The following EVI5 variants were observed in gnomAD, a reference collection of about 807,000 sequenced individuals.
EVI5 encodes ecotropic viral integration site 5.
In EVI5, 73 loss-of-function variants were observed where a neutral mutation model predicts 112.0. That is an observed-to-expected ratio of 0.65 (90% CI 0.54 to 0.79). The LOEUF (loss-of-function observed/expected upper bound fraction) is 0.79. EVI5 is among the 30% of genes least tolerant of loss of function. The pLI is 0.00. For synonymous variants in EVI5, 305 were observed against 319.9 expected (o/e 0.95, Z 0.50); for missense variants, 900 against 968.8 (o/e 0.93, Z 0.94).
chr1:92,552,387 C>T (rs1370988969), intron 19 of EVI5, among the ~76,000 whole-genome samples: 1 of 152,154 alleles, frequency 6.6e-6, no homozygotes, highest in Non-Finnish European at 1.5e-5. Context: ...GCTGTGTTAT[C>T]TCCCATTTCT....
rs78736035 is a variant in EVI5, at chr1:92,727,622, T to A, written c.149+8776A>T. ...AGCAAAAAATAAAACTTTAATTTTT[T>A]AAAAAAATAAAATGGCTTAAATAAC... On this transcript the variant is annotated intron_variant, in intron 2 of 19. Coordinates refer to ENST00000684568, the MANE Select transcript of EVI5 (RefSeq NM_001350197.2). 3.1e-4 allele frequency among the ~76,000 whole-genome samples: 47 copies of A among 152,228 alleles called. 1 individual carries two copies. The highest frequency in any genetic ancestry group is 9.4e-4 in the African/African-American group (39 of 41,548).
chr1:92,557,290 C>G (rs144257108), intron 19 of EVI5, among the ~76,000 whole-genome samples: 1,741 of 147,500 alleles, frequency 0.012, 42 homozygotes, highest in African/African-American at 0.041. Context: ...TTTTCTTTTT[C>G]TTTTTTTGTT....
chr1:92,557,311 G>A (rs574828825), intron 19 of EVI5, among the ~76,000 whole-genome samples: 26 of 150,622 alleles, frequency 1.7e-4, no homozygotes, highest in African/African-American at 5.1e-4. Context: ...TTTTTGAGAC[G>A]GAGTCTCTGT....
At chr1:92,633,901 G>C (rs879202435) in intron 14 of EVI5, among the ~76,000 whole-genome samples, 3 of 152,120 alleles carry the variant, frequency 2.0e-5, no homozygotes, top group African/African-American at 7.2e-5. Flanking sequence ...CTCACCATTT[G>C]CTTGACTGAG....
At chr1:92,608,094 T>C (rs909162330) in intron 16 of EVI5, among the ~76,000 whole-genome samples, 3 of 150,390 alleles carry the variant, frequency 2.0e-5, no homozygotes, top group Non-Finnish European at 4.4e-5. Flanking sequence ...GAGCCTGCAG[T>C]GAGCGGAGAC....
At chr1:92,703,185 A>G (rs1475207112) in intron 4 of EVI5, among the ~76,000 whole-genome samples, 1 of 152,106 alleles carries the variant, frequency 6.6e-6, no homozygotes, top group Non-Finnish European at 1.5e-5. Context: ...CCATCAACTA[A>G]TGCTAAATAA....
chr1:92,518,737 G>A (rs750478753), intron 19 of EVI5, among the ~76,000 whole-genome samples: 32 of 151,988 alleles, frequency 2.1e-4, no homozygotes, highest in Non-Finnish European at 4.1e-4. Context: ...CCTAGCAAGT[G>A]TCCAGGACAG....
At chr1:92,789,978 A>C (rs1465934757), upstream of EVI5, among the ~76,000 whole-genome samples, 2 of 152,174 alleles carry the variant, frequency 1.3e-5, no homozygotes, top group East Asian at 3.9e-4. Flanking sequence ...CCAATACAGC[A>C]ACCACTAGAG....
chr1:92,524,146 A>T lies in EVI5; in HGVS notation c.2167-10176T>A, dbSNP rs979482872. Among the ~76,000 whole-genome samples the T allele has an allele frequency of 1.6e-4, 17 of 105,418 alleles. 1 individual carries two copies. Among genetic ancestry groups the T allele is most frequent in the Admixed American group, 6.2e-4 (6 of 9,620 alleles). 69.2% of individuals were successfully genotyped at this position (105,418 alleles called of 152,430 possible). On this transcript the variant is annotated intron_variant, in intron 19 of 19. Transcript: ENST00000684568. ...AAGAAACTGCCTGGGTTTATTATTT[A>T]AAAAAAAAAAAAAAAGATTCTTGAG...
chr1:92,628,352 T>C (rs1289435215), intron 14 of EVI5, among the ~76,000 whole-genome samples: 1 of 152,248 alleles, frequency 6.6e-6, no homozygotes, highest in Non-Finnish European at 1.5e-5. Flanking sequence ...CTATTTATCT[T>C]TGTTCTAATT....
intron 1 of EVI5, among the ~76,000 whole-genome samples, chr1:92,768,169 C>T (rs145202479): frequency 1.3e-5 from 2 of 150,894 alleles, no homozygotes; most frequent in Non-Finnish European, 2.9e-5. Context: ...CCTCAAAATG[C>T]TGCACTATAA....
intron 3 of EVI5, chr1:92,703,932 C>CAAAAA (rs57830016): frequency 0.048 from 3,917 of 81,232 alleles, 345 homozygotes; most frequent in African/African-American, 0.098. Context: ...CTGTTGAAGG[C>CAAAAA]AAAAAAAAAA....
At chr1:92,562,439 A>G (rs2100890041) in intron 19 of EVI5, among the ~76,000 whole-genome samples, 1 of 152,316 alleles carries the variant, frequency 6.6e-6, no homozygotes, top group East Asian at 1.9e-4. Flanking sequence ...CTGAGGCAGA[A>G]GAATGGCATG....
intron 2 of EVI5, chr1:92,713,999 C>A (rs1673232998): frequency 1.0e-6 from 1 of 980,406 alleles, no homozygotes. Flanking sequence ...AGACTTACCT[C>A]CATAAATTCA....
At chr1:92,707,477 A>G (rs1034627838) in intron 2 of EVI5, among the ~76,000 whole-genome samples, 2 of 152,194 alleles carry the variant, frequency 1.3e-5, no homozygotes, top group Non-Finnish European at 2.9e-5. Context: ...ACCAAACACC[A>G]CACTTTAAAA....
chr1:92,544,572 T>C (rs1233552569), intron 19 of EVI5, among the ~76,000 whole-genome samples: 2 of 152,106 alleles, frequency 1.3e-5, no homozygotes, highest in Non-Finnish European at 2.9e-5. Flanking sequence ...TAAAATGAAG[T>C]TGTAGGAAAA....
At chr1:92,586,550 G>A (rs1672813917) in intron 18 of EVI5, among the ~76,000 whole-genome samples, 1 of 143,814 alleles carries the variant, frequency 7.0e-6, no homozygotes, top group Admixed American at 7.0e-5. Context: ...TCTTTCAGTT[G>A]GCTCCTCTGT....
In EVI5 at chr1:92,636,192, G is replaced by A; in HGVS notation, c.1527+10C>T. The A allele has an allele frequency of 6.2e-7, 1 of 1,604,920 alleles. No homozygotes were observed. Among genetic ancestry groups the A allele is most frequent in the African/African-American group, 1.3e-5 (1 of 74,730 alleles). ...ATTTGGGAATGACTGCATTTGTGTA[G>A]GTTTCTTACCTTCTCTATATCCAAG... is the stretch of plus-strand genomic sequence containing the variant. On this transcript the variant is annotated intron_variant, in intron 14 of 19. Transcript: ENST00000684568.
At chr1:92,767,947 G>A (rs920242298) in intron 1 of EVI5, among the ~76,000 whole-genome samples, 4 of 152,092 alleles carry the variant, frequency 2.6e-5, no homozygotes, top group African/African-American at 9.7e-5. Context: ...AGGCATGGTG[G>A]CAAACGCCTA....
Sources: gnomAD v4.1 joint callset for allele counts (sites outside exome capture counted in the v4.1 genomes callset) on GRCh38, gnomAD v4.1.1 for gene constraint, MANE v1.5 for transcripts, NCBI Gene and HGNC (gene_info 2026-07-23, HGNC 2026-07-21) for gene names.